Variants in SLC24A2 observed in about 807,000 individuals in gnomAD.
The protein encoded by SLC24A2 is solute carrier family 24 member 2, also known as sodium/potassium/calcium exchanger 2.
Under a neutral mutation model 62.0 loss-of-function variants are expected in SLC24A2, and 36 were observed. The ratio of observed to expected loss-of-function variants is 0.58; its 90% CI spans 0.44 to 0.77. SLC24A2 has a LOEUF of 0.77. Ranked by LOEUF, SLC24A2 falls within the 30% of genes least tolerant of loss-of-function variation. The pLI is 0.00. For missense variants in SLC24A2, 846 were observed against 817.9 expected (o/e 1.03, Z -0.42); for synonymous variants, 358 against 294.0 (o/e 1.22, Z -2.23).
the SLC24A2 span, among the ~76,000 whole-genome samples, chr9:20,270,771 G>A: frequency 1.3e-5 from 2 of 152,188 alleles, no homozygotes; most frequent in Non-Finnish European, 2.9e-5. Context: ...TCACATTCTA[G>A]TGGAACTTTG....
chr9:19,822,347 A>G, the SLC24A2 span, among the ~76,000 whole-genome samples: 4 of 152,126 alleles, frequency 2.6e-5, no homozygotes, highest in Non-Finnish European at 5.9e-5. Flanking sequence ...GCTGGCTTAG[A>G]CTAAAAATAT....
the SLC24A2 span, among the ~76,000 whole-genome samples, chr9:20,306,009 G>C: frequency 2.6e-5 from 4 of 152,050 alleles, no homozygotes; most frequent in South Asian, 2.1e-4. Context: ...TTCTGGATTA[G>C]AGCCTACTCC....
At chr9:19,848,705 G>T in the SLC24A2 span, among the ~76,000 whole-genome samples, 1 of 151,706 alleles carries the variant, frequency 6.6e-6, no homozygotes, top group Admixed American at 6.6e-5. Context: ...TCACATAAAG[G>T]GTAGTAGGTG....
chr9:20,234,497 C>G, the SLC24A2 span, among the ~76,000 whole-genome samples: 1 of 152,120 alleles, frequency 6.6e-6, no homozygotes, highest in East Asian at 1.9e-4. Flanking sequence ...TCGCTGATAC[C>G]CTTTCTTCCA....
upstream of SLC24A2, among the ~76,000 whole-genome samples, chr9:19,789,213 T>C (rs1435292404): frequency 6.6e-6 from 1 of 152,182 alleles, no homozygotes; most frequent in Non-Finnish European, 1.5e-5. Flanking sequence ...TTAGGAGATT[T>C]CTCCGCAGTG....
chr9:20,020,978 G>C, the SLC24A2 span, among the ~76,000 whole-genome samples: 1 of 152,064 alleles, frequency 6.6e-6, no homozygotes, highest in Non-Finnish European at 1.5e-5. Flanking sequence ...GGAGAATTAC[G>C]AATCAGAAGT....
intron 2 of SLC24A2, among the ~76,000 whole-genome samples, chr9:19,669,694 G>C (rs150488430): frequency 6.6e-6 from 1 of 152,156 alleles, no homozygotes; most frequent in Admixed American, 6.5e-5. Flanking sequence ...ACCAGCAACA[G>C]CAAGTTGAGA....
At chr9:20,272,991 G>T in the SLC24A2 span, among the ~76,000 whole-genome samples, 2 of 152,162 alleles carry the variant, frequency 1.3e-5, no homozygotes, top group Admixed American at 6.5e-5. Context: ...CCAAGCCTAG[G>T]TCACATGCCC....
At chr9:20,193,708 A>G in the SLC24A2 span, among the ~76,000 whole-genome samples, 1 of 152,258 alleles carries the variant, frequency 6.6e-6, no homozygotes, top group South Asian at 2.1e-4. Flanking sequence ...ATAGAGAGAC[A>G]TACAAAAAAT....
rs888753647 is a variant in SLC24A2 at position 19,515,810 on chromosome 9, T to A, written c.*343A>T. 12 of 337,064 alleles carry A rather than the reference T, an allele frequency of 3.6e-5. No individual in the cohort carries two copies. Among genetic ancestry groups the A allele is most frequent in the Non-Finnish European group, 7.0e-5 (12 of 172,284 alleles). The allele number at this position is 337,064 out of a possible 1,614,324, so 20.9% of individuals were successfully genotyped here. ...CAGGATTTGTGTGTTCATGTGCGTA[T>A]ATTTATAATATGTGTATTTATAGAT... On this transcript the variant is annotated 3_prime_UTR_variant, in exon 11 of 11. Coordinates refer to ENST00000341998, the MANE Select transcript of SLC24A2 (RefSeq NM_020344.4).
the SLC24A2 span, among the ~76,000 whole-genome samples, chr9:19,994,542 C>A: frequency 6.6e-6 from 1 of 152,124 alleles, no homozygotes; most frequent in Non-Finnish European, 1.5e-5. Context: ...ACAAGTCATG[C>A]CTAAGAGGAA....
At chr9:19,975,611 T>C in the SLC24A2 span, among the ~76,000 whole-genome samples, 1 of 152,226 alleles carries the variant, frequency 6.6e-6, no homozygotes, top group African/African-American at 2.4e-5. Context: ...AGGCGTATAG[T>C]AGGCATCCAA....
At chr9:19,841,382 A>T in the SLC24A2 span, among the ~76,000 whole-genome samples, 1 of 152,142 alleles carries the variant, frequency 6.6e-6, no homozygotes, top group Non-Finnish European at 1.5e-5. Flanking sequence ...AGTCATCTGG[A>T]TATCTGGGAA....
At chr9:19,841,400 T>A in the SLC24A2 span, among the ~76,000 whole-genome samples, 2 of 152,172 alleles carry the variant, frequency 1.3e-5, no homozygotes, top group South Asian at 4.2e-4. Flanking sequence ...GAAAGAAGCA[T>A]CCTTGGTAAA....
chr9:19,895,202 A>G, the SLC24A2 span, among the ~76,000 whole-genome samples: 1 of 152,120 alleles, frequency 6.6e-6, no homozygotes, highest in East Asian at 1.9e-4. Flanking sequence ...TTTAGAGGAA[A>G]TCAGCAGCTT....
the SLC24A2 span, among the ~76,000 whole-genome samples, chr9:20,188,332 A>C: frequency 6.6e-6 from 1 of 152,068 alleles, no homozygotes; most frequent in Non-Finnish European, 1.5e-5. Context: ...CAGCCTTAAC[A>C]ATAGGGAGTC....
chr9:20,216,657 G>C, the SLC24A2 span, among the ~76,000 whole-genome samples: 1 of 152,094 alleles, frequency 6.6e-6, no homozygotes, highest in Non-Finnish European at 1.5e-5. Flanking sequence ...TTTTTGGTAG[G>C]TTAAATGGAC....
chr9:19,579,546 G>C (rs1836141629), intron 5 of SLC24A2, among the ~76,000 whole-genome samples: 1 of 152,124 alleles, frequency 6.6e-6, no homozygotes, highest in Admixed American at 6.5e-5. Context: ...CATGGTCTCA[G>C]GGTTATTGTT....
chr9:20,176,410 G>C, the SLC24A2 span, among the ~76,000 whole-genome samples: 5 of 152,192 alleles, frequency 3.3e-5, no homozygotes, highest in South Asian at 8.3e-4. Flanking sequence ...AGATCAGTCA[G>C]AGAATATTCT....
Sources: allele counts gnomAD v4.1 joint callset (sites outside exome capture counted in the v4.1 genomes callset), GRCh38; gene constraint gnomAD v4.1.1; transcripts MANE v1.5; gene names NCBI Gene and HGNC (gene_info 2026-07-23, HGNC 2026-07-21).